The following CUBN variants were observed in gnomAD, a reference collection of about 807,000 sequenced individuals.
CUBN encodes the protein cubilin.
Under a neutral mutation model 405.3 loss-of-function variants are expected in CUBN, and 282 were observed. The ratio of observed to expected loss-of-function variants is 0.70; its 90% CI spans 0.63 to 0.77. CUBN has a LOEUF of 0.77. Ranked by LOEUF, CUBN falls within the 30% of genes least tolerant of loss-of-function variation. The pLI is 0.00. For synonymous variants in CUBN, 1,684 were observed against 1,617.0 expected (o/e 1.04, Z -0.99); for missense variants, 4,514 against 4,475.2 (o/e 1.01, Z -0.25).
chr10:16,913,197 G>C (rs1284302172), intron 48 of CUBN, among the ~76,000 whole-genome samples: 3 of 152,160 alleles, frequency 2.0e-5, no homozygotes, highest in Admixed American at 6.5e-5. Context: ...AAGTTGGGTG[G>C]ATAAATTTAC....
chr10:16,865,796 C>G (rs757400674), intron 59 of CUBN, among the ~76,000 whole-genome samples: 2 of 152,102 alleles, frequency 1.3e-5, no homozygotes, highest in Non-Finnish European at 2.9e-5. Flanking sequence ...TGCTCGGGTA[C>G]CCTTCCACGC....
intron 31 of CUBN, among the ~76,000 whole-genome samples, chr10:16,974,651 G>A (rs1330661788): frequency 6.6e-6 from 1 of 152,108 alleles, no homozygotes; most frequent in Admixed American, 6.6e-5. Context: ...GATTACAGGC[G>A]TGAGCCACCG....
chr10:16,937,845 A>G (rs970339713), intron 38 of CUBN, 61 bp from the exon 39 acceptor site: 10 of 1,481,748 alleles, frequency 6.7e-6, no homozygotes, highest in Middle Eastern at 1.9e-4. Flanking sequence ...ATAAAAAGAT[A>G]AAATAAAAAA....
chr10:17,071,405 C>A, intron 19 of CUBN, 21 bp downstream of exon 19: 2 of 1,611,878 alleles, frequency 1.2e-6, no homozygotes, highest in South Asian at 2.2e-5. Flanking sequence ...AATACAAATT[C>A]AAAGATTTTT....
intron 14 of CUBN, 133 bp from the exon 15 acceptor site, chr10:17,088,478 T>G: frequency 2.9e-6 from 2 of 685,032 alleles, no homozygotes; most frequent in Non-Finnish European, 5.1e-6. Context: ...CCTCATAAAT[T>G]AAAAAAGATT....
At chr10:17,034,307 A>G (rs1414425259) in intron 27 of CUBN, among the ~76,000 whole-genome samples, 2 of 152,260 alleles carry the variant, frequency 1.3e-5, no homozygotes, top group African/African-American at 4.8e-5. Context: ...TTTTTAATAT[A>G]ATGAGGTAAA....
intron 25 of CUBN, 102 bp from the exon 26 acceptor site, chr10:17,044,085 T>A: frequency 6.6e-6 from 2 of 300,892 alleles, no homozygotes; most frequent in Non-Finnish European, 1.1e-5. Flanking sequence ...ATATATTTAT[T>A]ATGTATATAT....
Position 16,915,962 on chromosome 10 carries a change from A to G in CUBN, c.7069T>C (p.Tyr2357His), listed in dbSNP as rs376122892. Residue 2357 changes from tyrosine (Y) to histidine (H), a missense_variant, in exon 46 of 67, where the codon TAC (tyrosine) becomes CAC (histidine). Around this residue, in one of 5 missense-constraint regions of CUBN, gnomAD observed 1,613 missense variants for 1,542.8 expected, o/e 1.05. Coordinates refer to ENST00000377833, the MANE Select transcript of CUBN (RefSeq NM_001081.4). ...CACTCACAGAATAAGTTGTCTCTGTATGGAAGTGTTGGATGTCCAATGCTT... is the reference window on the plus strand; with the variant it reads ...CACTCACAGAATAAGTTGTCTCTGTGTGGAAGTGTTGGATGTCCAATGCTT... ...VESIGHPTLP[Y>H]RDNLFCEWHL... The G allele has an allele frequency of 3.0e-5, 49 of 1,614,042 alleles. No homozygotes were observed. The highest frequency in any genetic ancestry group is 4.0e-5 in the African/African-American group (3 of 74,916).
At chr10:16,933,362 A>G (rs763417115) in intron 39 of CUBN, 78 bp from the exon 40 acceptor site, 13 of 1,284,352 alleles carry the variant, frequency 1.0e-5, no homozygotes, top group Non-Finnish European at 1.4e-5. Flanking sequence ...CTTGAAAGTG[A>G]CAGCCCTCTA....
chr10:16,910,356 G>T (rs1841693345), intron 48 of CUBN, among the ~76,000 whole-genome samples: 1 of 152,130 alleles, frequency 6.6e-6, no homozygotes, highest in Non-Finnish European at 1.5e-5. Flanking sequence ...ACATGCCCTT[G>T]TTTGGAGCAG....
At position 16,940,248 on chromosome 10, in the gene CUBN, GA is replaced by G. The variant is rs745529365; in HGVS notation, c.5343-12del. 2.2e-5 allele frequency: 35 copies of G among 1,609,892 alleles called. 1 individual carries two copies. The Admixed American group carries it at 4.8e-4, about 22-fold the overall frequency. ...TCCAACTGGAAAGATCTGATTTGGG[GA>G]AAAAAATATTTAAAGGGATTAAATT... On this transcript the variant is annotated splice_polypyrimidine_tract_variant and intron_variant, in intron 36 of 66. Coordinates refer to ENST00000377833, the MANE Select transcript of CUBN (RefSeq NM_001081.4).
chr10:16,932,062 G>A (rs935639741), intron 40 of CUBN, among the ~76,000 whole-genome samples: 6 of 152,140 alleles, frequency 3.9e-5, no homozygotes, highest in East Asian at 1.9e-4. Flanking sequence ...TCTGTGCAAC[G>A]TGCTGATAGC....
At chr10:16,907,025 T>TA (rs1242157446) in intron 49 of CUBN, among the ~76,000 whole-genome samples, 6 of 152,238 alleles carry the variant, frequency 3.9e-5, no homozygotes, top group African/African-American at 1.4e-4. Context: ...TTAGAGGCCA[T>TA]ATCTTGCTTA....
chr10:16,976,523 C>T (rs1222470213), intron 31 of CUBN, among the ~76,000 whole-genome samples: 5 of 150,874 alleles, frequency 3.3e-5, no homozygotes, highest in South Asian at 2.1e-4. Context: ...TAGAAAAGTA[C>T]GTCATTCTAT....
intron 29 of CUBN, among the ~76,000 whole-genome samples, chr10:16,988,155 T>C (rs1833483216): frequency 6.6e-6 from 1 of 152,146 alleles, no homozygotes; most frequent in Admixed American, 6.5e-5. Flanking sequence ...GAAACACAAT[T>C]GGCCCATTTA....
intron 60 of CUBN, among the ~76,000 whole-genome samples, chr10:16,847,288 T>C (rs903322776): frequency 6.6e-6 from 1 of 151,992 alleles, no homozygotes; most frequent in Non-Finnish European, 1.5e-5. Flanking sequence ...TCATCTCTAC[T>C]AAAAATACAA....
chr10:16,966,417 G>T (rs1008999561), intron 31 of CUBN, among the ~76,000 whole-genome samples: 4 of 151,850 alleles, frequency 2.6e-5, no homozygotes, highest in African/African-American at 9.7e-5. Flanking sequence ...GGTCTAGTGT[G>T]GCCTCCTTCT....
At chr10:16,835,898 A>C (rs886748040) in intron 63 of CUBN, among the ~76,000 whole-genome samples, 2 of 151,964 alleles carry the variant, frequency 1.3e-5, no homozygotes, top group Non-Finnish European at 2.9e-5. Context: ...GTAAATAAAC[A>C]TATATATTTC....
chr10:16,909,165 G>T (rs1402397906), intron 48 of CUBN, among the ~76,000 whole-genome samples: 1 of 152,124 alleles, frequency 6.6e-6, no homozygotes. Flanking sequence ...GATTACAGGC[G>T]TGAGCCACCG....
Sources: allele counts gnomAD v4.1 joint callset (sites outside exome capture counted in the v4.1 genomes callset), GRCh38; gene constraint gnomAD v4.1.1; regional missense constraint gnomAD v4.1.1; transcripts MANE v1.5; gene names NCBI Gene and HGNC (gene_info 2026-07-23, HGNC 2026-07-21).